The following ERBB4 variants were observed in gnomAD, a reference collection of about 807,000 sequenced individuals.
ERBB4 encodes the protein erb-b2 receptor tyrosine kinase 4.
ERBB4 carries 42 observed loss-of-function variants against 158.0 expected under a neutral mutation model. The observed-to-expected ratio is 0.27, with a 90% confidence interval of 0.21 to 0.34. The LOEUF is 0.34. Ranked by LOEUF, ERBB4 falls within the 10% of genes least tolerant of loss-of-function variation. The pLI is 1.00. For missense variants in ERBB4, 1,333 were observed against 1,624.1 expected, an observed-to-expected ratio of 0.82 and a Z score of 3.08; for synonymous variants, 583 against 558.7, an observed-to-expected ratio of 1.04 and a Z score of -0.61.
At chr2:212,331,821 C>T (rs887447146) in intron 1 of ERBB4, among the ~76,000 whole-genome samples, 3 of 151,814 alleles carry the variant, frequency 2.0e-5, no homozygotes, top group African/African-American at 7.3e-5. Context: ...AGTAATTTAC[C>T]TGCTGTATTA....
chr2:211,626,768 C>CA lies in ERBB4; in HGVS notation c.2080-2725dup, dbSNP rs1246969990. 2.6e-5 allele frequency among the ~76,000 whole-genome samples: 4 copies of CA among 151,482 alleles called. No homozygotes were observed. The East Asian group carries it at 5.9e-4, about 22-fold the overall frequency. ...TGAAACCCTGTCTCTACTAAAAATA[C>CA]AAAAAAATGAGCCGGACGTGTTGGC... On this transcript the variant is annotated intron_variant, in intron 17 of 27. Transcript: ENST00000342788.
At chr2:212,474,822 C>CCTTTTTTTTTTTTTTTTTTTTT (rs1689295723) in intron 1 of ERBB4, among the ~76,000 whole-genome samples, 13 of 94,414 alleles carry the variant, frequency 1.4e-4, no homozygotes, top group African/African-American at 7.9e-4. Context: ...CCCGGCCATT[C>CCTTTTTTTTTTTTTTTTTTTTT]TTTTTTTTTT....
chr2:211,400,558 T>C (rs995414569), intron 25 of ERBB4, among the ~76,000 whole-genome samples: 14 of 151,886 alleles, frequency 9.2e-5, no homozygotes, highest in African/African-American at 1.5e-4. Flanking sequence ...CACATATCTG[T>C]GGGAGCTAAA....
At chr2:211,460,194 G>T (rs2064493639) in intron 20 of ERBB4, among the ~76,000 whole-genome samples, 2 of 151,926 alleles carry the variant, frequency 1.3e-5, no homozygotes, top group Admixed American at 1.3e-4. Context: ...CAGTAAAAAT[G>T]AATATTATAT....
chr2:211,985,335 C>A (rs577330366), intron 2 of ERBB4, among the ~76,000 whole-genome samples: 3 of 152,242 alleles, frequency 2.0e-5, no homozygotes, highest in Admixed American at 6.5e-5. Flanking sequence ...GAAAAAAAGT[C>A]TTTTTCTTTA....
chr2:212,273,901 G>A (rs923811662), intron 1 of ERBB4, among the ~76,000 whole-genome samples: 3 of 151,690 alleles, frequency 2.0e-5, no homozygotes, highest in Admixed American at 6.6e-5. Context: ...TTTGAACAAC[G>A]TAGGAGTTAG....
At chr2:212,503,086 C>T (rs1690985409) in intron 1 of ERBB4, among the ~76,000 whole-genome samples, 1 of 152,166 alleles carries the variant, frequency 6.6e-6, no homozygotes, top group Admixed American at 6.5e-5. Flanking sequence ...CAGACTTTCA[C>T]CAGGCTATAC....
chr2:211,545,512 A>T (rs1008113186), intron 20 of ERBB4, among the ~76,000 whole-genome samples: 1 of 152,136 alleles, frequency 6.6e-6, no homozygotes, highest in African/African-American at 2.4e-5. Flanking sequence ...CACAAAGGAT[A>T]TAAAAATAGA....
chr2:212,472,637 A>C (rs1689173459), intron 1 of ERBB4, among the ~76,000 whole-genome samples: 1 of 151,808 alleles, frequency 6.6e-6, no homozygotes, highest in South Asian at 2.1e-4. Flanking sequence ...TCTACACGTA[A>C]AGGAATAGTT....
chr2:211,861,867 G>A (rs1051800543), intron 3 of ERBB4, among the ~76,000 whole-genome samples: 2 of 145,874 alleles, frequency 1.4e-5, no homozygotes, highest in Non-Finnish European at 3.1e-5. Context: ...GACCAATGGG[G>A]TTATAAAATG....
chr2:212,490,124 G>A (rs1690191903), intron 1 of ERBB4, among the ~76,000 whole-genome samples: 1 of 151,842 alleles, frequency 6.6e-6, no homozygotes, highest in African/African-American at 2.4e-5. Context: ...GAGCACCTTT[G>A]TAAAGGTTTC....
chr2:211,625,547 A>C (rs12616462), intron 17 of ERBB4, among the ~76,000 whole-genome samples: 113,986 of 152,074 alleles, frequency 0.75, 46,044 homozygotes, highest in Non-Finnish European at 0.89. Flanking sequence ...TCATTTTCAA[A>C]TTTAAGTTAT....
intron 1 of ERBB4, among the ~76,000 whole-genome samples, chr2:212,155,689 A>G (rs1405056619): frequency 1.3e-5 from 2 of 152,106 alleles, no homozygotes; most frequent in African/African-American, 2.4e-5. Flanking sequence ...CTGAACTCTG[A>G]TTGAAATTTA....
At chr2:212,361,054 G>GT (rs909634584) in intron 1 of ERBB4, among the ~76,000 whole-genome samples, 14 of 151,006 alleles carry the variant, frequency 9.3e-5, no homozygotes, top group South Asian at 4.2e-4. Context: ...GTGACCAAAA[G>GT]TTTTTTTTTA....
At chr2:212,230,118 C>G (rs940275271) in intron 1 of ERBB4, among the ~76,000 whole-genome samples, 2 of 152,078 alleles carry the variant, frequency 1.3e-5, no homozygotes, top group Non-Finnish European at 2.9e-5. Flanking sequence ...AACCCTATCT[C>G]TACTAAAAAT....
intron 2 of ERBB4, among the ~76,000 whole-genome samples, chr2:211,990,891 T>C (rs2125253421): frequency 6.6e-6 from 1 of 152,092 alleles, no homozygotes; most frequent in African/African-American, 2.4e-5. Flanking sequence ...TTTCATAACA[T>C]TATACTAAAA....
intron 2 of ERBB4, among the ~76,000 whole-genome samples, chr2:211,996,959 G>A (rs761069838): frequency 2.0e-5 from 3 of 152,150 alleles, no homozygotes; most frequent in East Asian, 1.9e-4. Context: ...CTTGGTTAAG[G>A]ACAAACCATC....
intron 4 of ERBB4, among the ~76,000 whole-genome samples, chr2:211,785,790 ATC>A (rs1281823489): frequency 6.6e-6 from 1 of 152,142 alleles, no homozygotes; most frequent in African/African-American, 2.4e-5. Flanking sequence ...TATATTAGGT[ATC>A]TGTTTCTTAA....
chr2:212,537,241 C>T (rs1693137792), intron 1 of ERBB4, among the ~76,000 whole-genome samples: 2 of 152,012 alleles, frequency 1.3e-5, no homozygotes, highest in East Asian at 1.9e-4. Context: ...TCGCCACTCC[C>T]GGGGGCTTTA....
Sources: gnomAD v4.1 joint callset for allele counts (sites outside exome capture counted in the v4.1 genomes callset) on GRCh38, gnomAD v4.1.1 for gene constraint, MANE v1.5 for transcripts, NCBI Gene and HGNC (gene_info 2026-07-23, HGNC 2026-07-21) for gene names.